The following BCKDHB variants were observed in gnomAD, a reference collection of about 807,000 sequenced individuals.
BCKDHB encodes the protein branched chain keto acid dehydrogenase E1 subunit beta.
Under a neutral mutation model 48.5 loss-of-function variants are expected in BCKDHB, and 41 were observed. The observed-to-expected ratio is 0.85, with a 90% CI of 0.66 to 1.10. BCKDHB has a LOEUF of 1.10. Ranked by LOEUF, BCKDHB falls within the 50% of genes least tolerant of loss-of-function variation. BCKDHB has a pLI of 0.00. For synonymous variants in BCKDHB, 201 were observed against 174.8 expected (o/e 1.15, Z -1.18); for missense variants, 496 against 494.2 (o/e 1.00, Z -0.03).
chr6:80,218,447 G>A (rs540474351), intron 8 of BCKDHB, among the ~76,000 whole-genome samples: 2 of 152,142 alleles, frequency 1.3e-5, no homozygotes, highest in African/African-American at 2.4e-5. Context: ...GTGTATACAC[G>A]CACACGTATG....
chr6:80,414,591 G>T, the BCKDHB span, among the ~76,000 whole-genome samples: 1 of 151,986 alleles, frequency 6.6e-6, no homozygotes, highest in African/African-American at 2.4e-5. Context: ...CATACTTCTG[G>T]GTTCTCTATT....
At chr6:80,336,514 C>CAAAAAAAAA (rs1562237940) in intron 9 of BCKDHB, among the ~76,000 whole-genome samples, 1 of 94,680 alleles carries the variant, frequency 1.1e-5, no homozygotes, top group Admixed American at 1.3e-4. Flanking sequence ...CAAAAAAAAA[C>CAAAAAAAAA]CAAATTTACC....
chr6:80,166,421 C>T lies in BCKDHB; in HGVS notation c.344-1257C>T, dbSNP rs146113727. On this transcript the variant is annotated intron_variant, in intron 3 of 9. Transcript: ENST00000320393. Reference sequence around the variant, plus strand: ...CTGTAATCCCAGCACCGTGGGAGGTCGAGGCGGGTGGATCACCTGAGGTCA... The same window carrying T: ...CTGTAATCCCAGCACCGTGGGAGGTTGAGGCGGGTGGATCACCTGAGGTCA... Among the ~76,000 whole-genome samples the T allele has an allele frequency of 4.9e-3, 743 of 152,108 alleles. 5 individuals are homozygous for T. Among genetic ancestry groups the T allele is most frequent in the African/African-American group, 0.017 (716 of 41,496 alleles).
At chr6:80,416,070 A>G in the BCKDHB span, among the ~76,000 whole-genome samples, 1 of 151,742 alleles carries the variant, frequency 6.6e-6, no homozygotes, top group Non-Finnish European at 1.5e-5. Flanking sequence ...AGAGGTGTTC[A>G]TGATATTCTC....
chr6:80,329,488 T>C (rs917479268), intron 9 of BCKDHB, among the ~76,000 whole-genome samples: 5 of 152,110 alleles, frequency 3.3e-5, no homozygotes, highest in African/African-American at 4.8e-5. Flanking sequence ...AATATAGCCA[T>C]GTAAAGTATG....
intron 8 of BCKDHB, among the ~76,000 whole-genome samples, chr6:80,252,386 G>A (rs887905121): frequency 6.6e-5 from 10 of 152,138 alleles, no homozygotes; most frequent in African/African-American, 1.4e-4. Context: ...TAATGAATAA[G>A]ACTGTGTCTT....
the BCKDHB span, among the ~76,000 whole-genome samples, chr6:80,391,694 T>C: frequency 6.6e-5 from 10 of 152,176 alleles, no homozygotes; most frequent in Admixed American, 3.9e-4. Context: ...CCTAGATACC[T>C]AGTACAGGTG....
At chr6:80,135,872 T>C (rs1315543810) in intron 3 of BCKDHB, 2 of 152,208 alleles carry the variant, frequency 1.3e-5, no homozygotes, top group African/African-American at 4.8e-5. Context: ...TTCTACTTTC[T>C]ATCTCTATGA....
the BCKDHB span, among the ~76,000 whole-genome samples, chr6:80,362,562 A>G: frequency 2.6e-5 from 4 of 152,206 alleles, no homozygotes; most frequent in African/African-American, 9.7e-5. Context: ...AGGGCAACCA[A>G]GAATGGTCAT....
At chr6:80,220,263 AT>A (rs1403370956) in intron 8 of BCKDHB, among the ~76,000 whole-genome samples, 1 of 124,480 alleles carries the variant, frequency 8.0e-6, no homozygotes, top group Non-Finnish European at 1.7e-5. Flanking sequence ...ATCAATCAAA[AT>A]TTCCCCCTTG....
intron 2 of BCKDHB, 108 bp downstream of exon 2, chr6:80,127,732 C>CA: frequency 9.6e-7 from 1 of 1,037,174 alleles, no homozygotes; most frequent in Non-Finnish European, 1.5e-6. Context: ...ATCTACCTGA[C>CA]ATTTTCAAAG....
chr6:80,238,687 G>A (rs897905299), intron 8 of BCKDHB, among the ~76,000 whole-genome samples: 7 of 151,842 alleles, frequency 4.6e-5, no homozygotes, highest in Non-Finnish European at 4.4e-5. Flanking sequence ...TACCATGCTG[G>A]TGTGCTGCAC....
At chr6:80,454,858 CCTT>C in the BCKDHB span, among the ~76,000 whole-genome samples, 1 of 152,170 alleles carries the variant, frequency 6.6e-6, no homozygotes, top group African/African-American at 2.4e-5. Context: ...CCCAACTTGT[CCTT>C]CTTAATGACT....
At chr6:80,335,125 T>C (rs1160737021) in intron 9 of BCKDHB, among the ~76,000 whole-genome samples, 1 of 151,594 alleles carries the variant, frequency 6.6e-6, no homozygotes, top group African/African-American at 2.4e-5. Flanking sequence ...ATATGTTTTC[T>C]GTTTCGTGAG....
intron 1 of BCKDHB, among the ~76,000 whole-genome samples, chr6:80,120,603 T>A (rs1007093441): frequency 1.3e-5 from 2 of 152,256 alleles, no homozygotes; most frequent in African/African-American, 4.8e-5. Flanking sequence ...TGCATTTCTC[T>A]GATGACCGGT....
chr6:80,425,879 A>G, the BCKDHB span, among the ~76,000 whole-genome samples: 1 of 152,240 alleles, frequency 6.6e-6, no homozygotes, highest in Non-Finnish European at 1.5e-5. Context: ...TTCTTTGCAC[A>G]GAGGCTGAGG....
the BCKDHB span, among the ~76,000 whole-genome samples, chr6:80,421,412 G>A: frequency 6.6e-6 from 1 of 152,226 alleles, no homozygotes; most frequent in African/African-American, 2.4e-5. Flanking sequence ...TTAGCACTGG[G>A]AGTGGGGCAC....
At chr6:80,191,056 T>C (rs999229254) in intron 6 of BCKDHB, among the ~76,000 whole-genome samples, 1 of 152,152 alleles carries the variant, frequency 6.6e-6, no homozygotes, top group Non-Finnish European at 1.5e-5. Context: ...AGCTCAGAGA[T>C]GGTAGCAGCT....
the BCKDHB span, chr6:80,443,300 A>T: frequency 6.6e-6 from 1 of 152,074 alleles, no homozygotes; most frequent in African/African-American, 2.4e-5. Context: ...GATCAATAAG[A>T]TAAAGTGGAA....
Sources: allele counts gnomAD v4.1 joint callset (sites outside exome capture counted in the v4.1 genomes callset), GRCh38; gene constraint gnomAD v4.1.1; transcripts MANE v1.5; gene names NCBI Gene and HGNC (gene_info 2026-07-23, HGNC 2026-07-21).